SLC44A5: variants seen among roughly 807,000 people sequenced by gnomAD.
The protein encoded by SLC44A5 is choline transporter-like protein 5.
A neutral mutation model predicts 101.8 loss-of-function variants in SLC44A5; 57 were observed. That is an observed-to-expected ratio of 0.56 (90% CI 0.45 to 0.70). The LOEUF (loss-of-function observed/expected upper bound fraction) is 0.70. Among genes scored for constraint, SLC44A5 ranks in the 30% least tolerant of loss-of-function variants. The pLI, the probability that SLC44A5 is intolerant of heterozygous loss-of-function variation, is 0.00. For missense variants in SLC44A5, 737 were observed against 853.1 expected, an observed-to-expected ratio of 0.86 and a Z score of 1.70; for synonymous variants, 281 against 290.9, an observed-to-expected ratio of 0.97 and a Z score of 0.35.
At chr1:75,365,768 T>C (rs1659814861) in intron 3 of SLC44A5, among the ~76,000 whole-genome samples, 1 of 152,214 alleles carries the variant, frequency 6.6e-6, no homozygotes, top group Admixed American at 6.5e-5. Flanking sequence ...GCAGTATACT[T>C]TGTTCTGTTC....
chr1:75,539,139 T>A (rs972371836), intron 2 of SLC44A5, among the ~76,000 whole-genome samples: 12 of 152,210 alleles, frequency 7.9e-5, no homozygotes, highest in African/African-American at 2.9e-4. Context: ...ACATTGTTAT[T>A]ATTATCCATC....
At chr1:75,634,703 A>G in the SLC44A5 span, among the ~76,000 whole-genome samples, 11 of 151,640 alleles carry the variant, frequency 7.3e-5, no homozygotes, top group South Asian at 1.7e-3. Context: ...CTAAAACCAT[A>G]AAAACCCTAG....
chr1:75,360,690 G>A (rs1013869100), intron 3 of SLC44A5, among the ~76,000 whole-genome samples: 3 of 152,140 alleles, frequency 2.0e-5, no homozygotes, highest in South Asian at 4.1e-4. Flanking sequence ...TAATGCCAGT[G>A]TCATGCTATT....
intron 12 of SLC44A5, among the ~76,000 whole-genome samples, chr1:75,232,097 C>G (rs1478818516): frequency 7.1e-6 from 1 of 140,738 alleles, no homozygotes; most frequent in Non-Finnish European, 1.6e-5. Context: ...CCTAACTGGA[C>G]CTTTCCTCCC....
intron 3 of SLC44A5, among the ~76,000 whole-genome samples, chr1:75,341,781 T>G (rs1657902668): frequency 6.6e-6 from 1 of 152,226 alleles, no homozygotes; most frequent in East Asian, 1.9e-4. Context: ...ACAGTAATAT[T>G]TGCATCATTC....
Position 75,418,700 on chromosome 1 carries a change from C to T in SLC44A5, c.14-22079G>A, listed in dbSNP as rs114716997. Among the ~76,000 whole-genome samples the T allele has an allele frequency of 4.4e-3, 670 of 152,220 alleles. 6 individuals are homozygous for T. Among genetic ancestry groups the T allele is most frequent in the African/African-American group, 0.016 (650 of 41,518 alleles). ...ACCAGATCATGCAGGGCCTCTGTGC[C>T]TGGAAAAGGATTTGGGATGTTATCC... On this transcript the variant is annotated intron_variant, in intron 2 of 23. Transcript: ENST00000370859.
Position 75,237,036 on chromosome 1 carries a change from C to A in SLC44A5, c.691G>T (p.Gly231Ter). 1 of 1,602,608 alleles carries A rather than the reference C, an allele frequency of 6.2e-7. No homozygotes were observed. The highest frequency in any genetic ancestry group is 1.1e-5 in the South Asian group (1 of 89,952). ...GCATAGTCTTCAAACACTTTCAATC[C>A]AAGTGACTTTGCATCAAGAAGTTTA... ...INKLLDAKSL[G>*]LKVFEDYART... The change falls in exon 11 of 24, where the codon GGA becomes TGA. Residue 231 changes from glycine (G) to a stop codon, truncating the protein, a stop_gained. Coordinates refer to ENST00000370859, the MANE Select transcript of SLC44A5 (RefSeq NM_001130058.2). LOFTEE classifies it high-confidence loss of function.
chr1:75,695,621 TAAATTTGTAGGGAAAC>T, the SLC44A5 span, among the ~76,000 whole-genome samples: 1 of 151,424 alleles, frequency 6.6e-6, no homozygotes, highest in African/African-American at 2.4e-5. Context: ...AGTAGTTTAC[TAAATTTGTAGGGAAAC>T]AAATAAGGTA....
chr1:75,571,074 T>C (rs57412923), intron 1 of SLC44A5, among the ~76,000 whole-genome samples: 39,704 of 151,972 alleles, frequency 0.26, 5,639 homozygotes, highest in African/African-American at 0.35. Context: ...AGTAGAAAAA[T>C]GGCTCCACCA....
chr1:75,603,143 C>G (rs1675081135), intron 1 of SLC44A5, among the ~76,000 whole-genome samples: 2 of 151,990 alleles, frequency 1.3e-5, no homozygotes, highest in Admixed American at 6.6e-5. Context: ...CCTCCCTCTC[C>G]ACTCTAGCAG....
the SLC44A5 span, among the ~76,000 whole-genome samples, chr1:75,678,724 C>T: frequency 2.6e-5 from 4 of 151,914 alleles, no homozygotes; most frequent in Non-Finnish European, 5.9e-5. Flanking sequence ...TCCAAAGGAA[C>T]GCAGCTCCTC....
chr1:75,626,676 C>T, the SLC44A5 span, among the ~76,000 whole-genome samples: 1 of 151,988 alleles, frequency 6.6e-6, no homozygotes, highest in African/African-American at 2.4e-5. Flanking sequence ...TTAGCTCAGT[C>T]CCTTCTCTCT....
chr1:75,218,681 C>T lies in SLC44A5; in HGVS notation c.1338G>A (p.Lys446=), dbSNP rs776728561. The T allele has an allele frequency of 2.5e-6, 4 of 1,613,528 alleles. No individual in the cohort carries two copies. Among genetic ancestry groups the T allele is most frequent in the South Asian group, 1.1e-5 (1 of 91,064 alleles). The change falls in exon 17 of 24, where the codon AAG becomes AAA. Residue 446 remains lysine (K), a synonymous_variant. Transcript: ENST00000370859. The part of the protein sequence containing the change: ...ALCNFAFYGG[K]SLYHQYIPTF... ...TAGGGATGTACTGATGGTACAAGCTCTTTCCACCATAGAAAGCAAAGTTAC... is the reference window on the plus strand; with the variant it reads ...TAGGGATGTACTGATGGTACAAGCTTTTTCCACCATAGAAAGCAAAGTTAC...
At chr1:75,262,142 CAAGA>C (rs1557592083) in intron 6 of SLC44A5, among the ~76,000 whole-genome samples, 2 of 152,156 alleles carry the variant, frequency 1.3e-5, no homozygotes, top group East Asian at 3.9e-4. Flanking sequence ...CCAGGGCAAT[CAAGA>C]AAGAGAAATA....
chr1:75,328,725 T>C (rs1480894287), intron 4 of SLC44A5, among the ~76,000 whole-genome samples: 1 of 152,232 alleles, frequency 6.6e-6, no homozygotes, highest in African/African-American at 2.4e-5. Flanking sequence ...ATCCTCATCA[T>C]GGCTTTCAAA....
chr1:75,569,132 TC>T (rs1311824389), intron 1 of SLC44A5, among the ~76,000 whole-genome samples: 1 of 152,014 alleles, frequency 6.6e-6, no homozygotes, highest in Admixed American at 6.6e-5. Flanking sequence ...CAAATTGACT[TC>T]CCTTTTACCC....
At chr1:75,464,298 T>C (rs1666690358) in intron 2 of SLC44A5, among the ~76,000 whole-genome samples, 1 of 151,874 alleles carries the variant, frequency 6.6e-6, no homozygotes. Flanking sequence ...GCATAGAGTC[T>C]TTATTTGTTT....
At chr1:75,221,534 G>A (rs756775390) in intron 14 of SLC44A5, among the ~76,000 whole-genome samples, 2 of 152,146 alleles carry the variant, frequency 1.3e-5, no homozygotes, top group Admixed American at 6.5e-5. Flanking sequence ...GATATGAAAT[G>A]TATAGTCTGG....
chr1:75,609,090 A>G (rs1234715466), intron 1 of SLC44A5, among the ~76,000 whole-genome samples: 1 of 151,806 alleles, frequency 6.6e-6, no homozygotes, highest in Non-Finnish European at 1.5e-5. Flanking sequence ...TTGAATGAAT[A>G]GAGAACTACA....
Sources: allele counts gnomAD v4.1 joint callset (sites outside exome capture counted in the v4.1 genomes callset), GRCh38; gene constraint gnomAD v4.1.1; transcripts MANE v1.5; gene names NCBI Gene and HGNC (gene_info 2026-07-23, HGNC 2026-07-21).